SLCO1A2: variants seen among roughly 807,000 people sequenced by gnomAD.
SLCO1A2 encodes OATP-1.
Under a neutral mutation model 69.0 loss-of-function variants are expected in SLCO1A2, and 67 were observed. That is an observed-to-expected ratio of 0.97 (90% confidence interval 0.80 to 1.19). The LOEUF is 1.19. Among genes scored for constraint, SLCO1A2 ranks in the 50% most tolerant of loss-of-function variants. SLCO1A2 has a pLI of 0.00. For missense variants in SLCO1A2, 787 were observed against 793.7 expected, an observed-to-expected ratio of 0.99 and a Z score of 0.10; for synonymous variants, 260 against 265.9, an observed-to-expected ratio of 0.98 and a Z score of 0.22.
chr12:21,383,375 C>CT (rs1940707815), intron 1 of SLCO1A2, among the ~76,000 whole-genome samples: 1 of 152,130 alleles, frequency 6.6e-6, no homozygotes, highest in African/African-American at 2.4e-5. Flanking sequence ...CCTTAACGTC[C>CT]TCCCCATGGA....
intron 1 of SLCO1A2, among the ~76,000 whole-genome samples, chr12:21,416,364 A>G (rs1941988632): frequency 6.6e-6 from 1 of 151,714 alleles, no homozygotes; most frequent in African/African-American, 2.4e-5. Context: ...GGGCACACAC[A>G]CACACACACA....
chr12:21,409,463 T>C (rs1052183780), intron 1 of SLCO1A2, among the ~76,000 whole-genome samples: 2 of 152,080 alleles, frequency 1.3e-5, no homozygotes, highest in Non-Finnish European at 2.9e-5. Flanking sequence ...AAATACAAGG[T>C]AGATTTGGAT....
intron 1 of SLCO1A2, among the ~76,000 whole-genome samples, chr12:21,412,551 T>C (rs1310811386): frequency 6.6e-6 from 1 of 152,212 alleles, no homozygotes; most frequent in African/African-American, 2.4e-5. Context: ...CACTTATGAA[T>C]TTGTCTATTT....
intron 11 of SLCO1A2, 92 bp from the exon 12 acceptor site, chr12:21,292,428 A>T (rs900956017): frequency 5.3e-6 from 5 of 949,584 alleles, no homozygotes; most frequent in Non-Finnish European, 7.9e-6. Context: ...CAAGATGGAG[A>T]CTGCTTGTTC....
chr12:21,364,282 A>G (rs980769078), intron 2 of SLCO1A2, among the ~76,000 whole-genome samples: 3 of 152,202 alleles, frequency 2.0e-5, no homozygotes, highest in Non-Finnish European at 1.5e-5. Context: ...TATAAACAGA[A>G]CCAAAGACAA....
Position 21,293,996 on chromosome 12 carries a change from C to A in SLCO1A2, c.1386G>T (p.Leu462=). Residue 462 remains leucine (L), a synonymous_variant, in exon 11 of 15, where the codon CTG becomes CTT. Transcript: ENST00000683939. ...PVCGNNGLSY[L]SACLAGCETS... is the part of the protein sequence containing the mutation. ...TCTCACAACCAGCAAGACAAGCTGA[C>A]AGATATGACAAGCCATTGTTTCCAC... The A allele has an allele frequency of 3.1e-6, 5 of 1,612,752 alleles. No individual in the cohort carries two copies. The highest frequency in any genetic ancestry group is 1.1e-5 in the South Asian group (1 of 90,876).
chr12:21,299,273 G>C (rs531004413), intron 8 of SLCO1A2, among the ~76,000 whole-genome samples: 1 of 152,142 alleles, frequency 6.6e-6, no homozygotes. Context: ...TTGAGCATCA[G>C]TGCTCTTGAG....
chr12:21,299,809 TACAC>T (rs201033206), intron 8 of SLCO1A2, among the ~76,000 whole-genome samples: 2 of 119,302 alleles, frequency 1.7e-5, no homozygotes, highest in Non-Finnish European at 3.1e-5. Flanking sequence ...CGTATATATA[TACAC>T]ACACACATAT....
intron 12 of SLCO1A2, among the ~76,000 whole-genome samples, chr12:21,284,205 G>A (rs1346970614): frequency 6.6e-6 from 1 of 152,114 alleles, no homozygotes; most frequent in African/African-American, 2.4e-5. Context: ...AGAAAATGTG[G>A]TACATATACA....
Position 21,341,497 on chromosome 12 carries a change from A to G in SLCO1A2, c.-62-6788T>C, listed in dbSNP as rs535733602. ...CCATGTTAATGCTGTGTTCTTGACT[A>G]CTTCAGGTTTTGGTATGTTTTCTTG... is the stretch of plus-strand genomic sequence containing the variant. On this transcript the variant is annotated intron_variant, in intron 2 of 15. Coordinates refer to the SLCO1A2 transcript ENST00000307378. 3.9e-5 allele frequency among the ~76,000 whole-genome samples: 6 copies of G among 152,176 alleles called. No individual in the cohort carries two copies. The South Asian group carries it at 1.2e-3, about 32-fold the overall frequency.
intron 2 of SLCO1A2, among the ~76,000 whole-genome samples, chr12:21,349,118 TG>T (rs1161092698): frequency 6.6e-6 from 1 of 152,202 alleles, no homozygotes; most frequent in Non-Finnish European, 1.5e-5. Flanking sequence ...AGAGAAGATC[TG>T]TCCCTTTCCA....
At chr12:21,307,114 C>T (rs540881547) in intron 4 of SLCO1A2, 126 bp from the exon 5 acceptor site, 21 of 560,586 alleles carry the variant, frequency 3.7e-5, no homozygotes, top group African/African-American at 3.6e-4. Context: ...AATGGCTTTT[C>T]ATCCTTGGCA....
upstream of SLCO1A2, among the ~76,000 whole-genome samples, chr12:21,336,114 G>A (rs146971358): frequency 4.8e-4 from 73 of 151,842 alleles, no homozygotes; most frequent in Non-Finnish European, 8.5e-4. Flanking sequence ...CTTTCTTCTC[G>A]TGCATTTAGA....
In SLCO1A2 at chr12:21,274,503, CT is replaced by C. The variant is rs1943439913; in HGVS notation, c.1758del (p.Ala588HisfsTer21). 2 of 1,613,300 alleles carry C rather than the reference CT, an allele frequency of 1.2e-6. No homozygotes were observed. On this transcript the variant is annotated frameshift_variant, in exon 14 of 15. Transcript: ENST00000683939. LOFTEE classifies it low-confidence loss of function (END_TRUNC). ...GTGGAATCATATATCCTGCATGCCC[CT>C]GACTCACCACATTTCAAAGTTCCCC... is the stretch of plus-strand genomic sequence containing the variant. Reference protein sequence around the residue: ...LHWGTLKCGESGACRIYDSTT... With the variant: ...LHWGTLKCGEXGACRIYDSTT...
upstream of SLCO1A2, among the ~76,000 whole-genome samples, chr12:21,339,013 T>C (rs1470509772): frequency 1.4e-4 from 21 of 151,982 alleles, no homozygotes; most frequent in Admixed American, 1.4e-3. Flanking sequence ...AGCCTATTCC[T>C]CATCTCTGAT....
chr12:21,366,821 C>T (rs12810446), intron 2 of SLCO1A2, among the ~76,000 whole-genome samples: 48,973 of 151,374 alleles, frequency 0.32, 8,216 homozygotes, highest in East Asian at 0.46. Context: ...GATTAGGAAA[C>T]TTCATAGAAG....
Position 21,300,332 on chromosome 12 carries a change from G to T in SLCO1A2, c.910+16C>A, listed in dbSNP as rs774280798. ...TAAAAGGTCAATTTCATAGTATTTA[G>T]AATATGTATATTTGCCTTTAGTGAT... On this transcript the variant is annotated intron_variant, in intron 8 of 14. Coordinates refer to ENST00000683939, the MANE Select transcript of SLCO1A2 (RefSeq NM_001386879.1). 6.5e-7 allele frequency: 1 copy of T among 1,528,378 alleles called. No homozygotes were observed. Among genetic ancestry groups the T allele is most frequent in the Non-Finnish European group, 9.0e-7 (1 of 1,106,434 alleles). The allele number at this position is 1,528,378 out of a possible 1,614,324, so 94.7% of individuals were successfully genotyped here. A position where few individuals can be genotyped will look rare whatever the true frequency, so the allele number is the denominator to read the frequency against.
At chr12:21,352,800 T>C (rs995880629) in intron 2 of SLCO1A2, among the ~76,000 whole-genome samples, 4 of 152,244 alleles carry the variant, frequency 2.6e-5, no homozygotes, top group Non-Finnish European at 5.9e-5. Flanking sequence ...AGTTCATTGT[T>C]TGGTTGATTG....
At position 21,265,916 on chromosome 12, in the gene SLCO1A2, A is replaced by C. The variant is rs1179683034; in HGVS notation, c.*3632T>G. The C allele has an allele frequency of 6.6e-6, 1 of 152,110 alleles. No individual in the cohort carries two copies. The highest frequency in any genetic ancestry group is 2.4e-5 in the African/African-American group (1 of 41,432). 9.4% of individuals were successfully genotyped at this position (152,110 alleles called of 1,614,324 possible). On this transcript the variant is annotated 3_prime_UTR_variant, in exon 15 of 15. Transcript: ENST00000683939. The stretch of plus-strand genomic sequence containing the variant: ...TATATAGAAATCATACTCTTTTAAC[A>C]TCTACAACCTCTTCTACCAGGAGCT...
Sources: allele counts gnomAD v4.1 joint callset (sites outside exome capture counted in the v4.1 genomes callset), GRCh38; gene constraint gnomAD v4.1.1; transcripts MANE v1.5; gene names NCBI Gene and HGNC (gene_info 2026-07-23, HGNC 2026-07-21).